Variants in PLD5 observed in about 807,000 individuals in gnomAD.
PLD5 encodes the protein inactive phospholipase D5.
In PLD5, 36 loss-of-function variants were observed where a neutral mutation model predicts 61.1. The ratio of observed to expected loss-of-function variants is 0.59; its 90% CI spans 0.45 to 0.78. The LOEUF (loss-of-function observed/expected upper bound fraction) is 0.78. Ranked by LOEUF, PLD5 falls within the 30% of genes least tolerant of loss-of-function variation. PLD5 has a pLI of 0.00. For synonymous variants in PLD5, 243 were observed against 242.8 expected, an observed-to-expected ratio of 1.00 and a Z score of -0.01; for missense variants, 515 against 644.4, an observed-to-expected ratio of 0.80 and a Z score of 2.17.
At chr1:242,292,006 G>A (rs977649915) in intron 2 of PLD5, among the ~76,000 whole-genome samples, 3 of 152,144 alleles carry the variant, frequency 2.0e-5, no homozygotes, top group African/African-American at 7.2e-5. Flanking sequence ...AGGAAGATGA[G>A]AGGGGTCCAG....
At chr1:242,138,493 G>A (rs1663917952) in intron 5 of PLD5, among the ~76,000 whole-genome samples, 1 of 151,896 alleles carries the variant, frequency 6.6e-6, no homozygotes, top group South Asian at 2.1e-4. Context: ...GAAGAACACT[G>A]GAAGAAAATA....
chr1:242,275,488 A>T (rs1674362136), intron 3 of PLD5, among the ~76,000 whole-genome samples: 1 of 152,194 alleles, frequency 6.6e-6, no homozygotes, highest in African/African-American at 2.4e-5. Flanking sequence ...GTTAGCCTTT[A>T]TTCTCAAATG....
At chr1:242,395,877 G>A (rs958251177) in intron 1 of PLD5, among the ~76,000 whole-genome samples, 1 of 152,050 alleles carries the variant, frequency 6.6e-6, no homozygotes, top group Non-Finnish European at 1.5e-5. Flanking sequence ...GTGAAGCCCC[G>A]TCTCTACTAA....
At chr1:242,248,289 T>A (rs1157412298) in intron 4 of PLD5, among the ~76,000 whole-genome samples, 1 of 152,122 alleles carries the variant, frequency 6.6e-6, no homozygotes, top group East Asian at 1.9e-4. Context: ...TTGAAACCGC[T>A]TACTATTGCC....
chr1:242,106,325 A>G (rs960570396), intron 8 of PLD5, among the ~76,000 whole-genome samples: 1 of 152,218 alleles, frequency 6.6e-6, no homozygotes, highest in East Asian at 1.9e-4. Context: ...AATGCACATC[A>G]CTGGAAGACT....
At chr1:242,530,487 G>A in the PLD5 span, among the ~76,000 whole-genome samples, 2 of 152,238 alleles carry the variant, frequency 1.3e-5, no homozygotes, top group Non-Finnish European at 2.9e-5. Flanking sequence ...GAATTCTCCT[G>A]ACTCAGTGTA....
chr1:242,393,619 T>C (rs1663110249), intron 1 of PLD5, among the ~76,000 whole-genome samples: 1 of 93,364 alleles, frequency 1.1e-5, no homozygotes, highest in Non-Finnish European at 2.1e-5. Context: ...TATATGTGTA[T>C]ATATATGAGT....
chr1:242,119,960 G>A (rs1162241550), intron 6 of PLD5, among the ~76,000 whole-genome samples: 2 of 152,098 alleles, frequency 1.3e-5, no homozygotes, highest in Non-Finnish European at 2.9e-5. Context: ...ACAAAGTGTG[G>A]AATATCCATA....
At chr1:242,411,684 T>C (rs2149289401) in intron 1 of PLD5, among the ~76,000 whole-genome samples, 1 of 152,324 alleles carries the variant, frequency 6.6e-6, no homozygotes, top group South Asian at 2.1e-4. Context: ...TTTGAGATAA[T>C]TGTATTCACA....
intron 4 of PLD5, among the ~76,000 whole-genome samples, chr1:242,254,348 G>GA (rs59783629): frequency 0.2 from 26,790 of 132,348 alleles, 3,252 homozygotes; most frequent in Non-Finnish European, 0.29. Context: ...TCATTTAACT[G>GA]AAAAAAAAAA....
intron 1 of PLD5, among the ~76,000 whole-genome samples, chr1:242,430,675 C>T (rs1487589250): frequency 2.0e-5 from 3 of 152,150 alleles, no homozygotes; most frequent in African/African-American, 7.2e-5. Context: ...TCCTAAACTG[C>T]CCAGGACCCA....
rs544150552 is a variant in PLD5, at chr1:242,348,903, A to C, written c.190-661T>G. On this transcript the variant is annotated intron_variant, in intron 1 of 9. Transcript: ENST00000536534. ...CCCTGTCTCTACTAAAAATACAAAA[A>C]ATTAGCTGGGCGTGGTGGCAGGCGC... Among the ~76,000 whole-genome samples the C allele has an allele frequency of 6.6e-5, 10 of 152,202 alleles. No individual in the cohort carries two copies. In the South Asian group the frequency reaches 2.1e-3, roughly 32 times the overall value.
intron 1 of PLD5, among the ~76,000 whole-genome samples, chr1:242,355,407 T>C (rs1660700996): frequency 6.6e-6 from 1 of 152,174 alleles, no homozygotes; most frequent in Non-Finnish European, 1.5e-5. Context: ...TGGCATATAA[T>C]AGTTCATAAT....
chr1:242,419,556 C>T (rs1269627108), intron 1 of PLD5, among the ~76,000 whole-genome samples: 1 of 143,018 alleles, frequency 7.0e-6, no homozygotes, highest in Middle Eastern at 3.3e-3. Flanking sequence ...CCACTACACC[C>T]GGCTAAATTT....
intron 1 of PLD5, among the ~76,000 whole-genome samples, chr1:242,433,747 G>A (rs1461570617): frequency 6.6e-6 from 1 of 152,120 alleles, no homozygotes; most frequent in Non-Finnish European, 1.5e-5. Flanking sequence ...GTATGGGGAG[G>A]GGGAAGCTTG....
intron 1 of PLD5, among the ~76,000 whole-genome samples, chr1:242,448,442 T>A (rs990235816): frequency 1.3e-5 from 2 of 152,226 alleles, no homozygotes; most frequent in Non-Finnish European, 2.9e-5. Context: ...AGGCATTCTC[T>A]CTCAACAGTA....
intron 4 of PLD5, among the ~76,000 whole-genome samples, chr1:242,245,316 A>T (rs1237678842): frequency 6.6e-6 from 1 of 152,220 alleles, no homozygotes; most frequent in Non-Finnish European, 1.5e-5. Context: ...GCATAATTAT[A>T]GGAAATTTGC....
At chr1:242,161,631 G>C (rs1665838036) in intron 5 of PLD5, among the ~76,000 whole-genome samples, 1 of 152,142 alleles carries the variant, frequency 6.6e-6, no homozygotes, top group African/African-American at 2.4e-5. Context: ...AGATGCTCGT[G>C]AACACTGCAG....
At chr1:242,123,912 C>T (rs1296158439) in intron 6 of PLD5, among the ~76,000 whole-genome samples, 1 of 152,096 alleles carries the variant, frequency 6.6e-6, no homozygotes, top group African/African-American at 2.4e-5. Context: ...GAGTCAGAGG[C>T]CCGAAGCTGT....
Sources: gnomAD v4.1 joint callset for allele counts (sites outside exome capture counted in the v4.1 genomes callset) on GRCh38, gnomAD v4.1.1 for gene constraint, MANE v1.5 for transcripts, NCBI Gene and HGNC (gene_info 2026-07-23, HGNC 2026-07-21) for gene names.